PTPRT: variants seen among roughly 807,000 people sequenced by gnomAD.
PTPRT encodes the protein protein tyrosine phosphatase receptor type T.
Under a neutral mutation model 176.8 loss-of-function variants are expected in PTPRT, and 56 were observed. The ratio of observed to expected loss-of-function variants is 0.32; its 90% CI spans 0.26 to 0.40. The LOEUF (loss-of-function observed/expected upper bound fraction) is 0.40, where lower values mean the gene tolerates loss of function less well. Among genes scored for constraint, PTPRT ranks in the 10% least tolerant of loss-of-function variants. The pLI is 1.00. For synonymous variants in PTPRT, 783 were observed against 739.0 expected, an observed-to-expected ratio of 1.06 and a Z score of -0.96; for missense variants, 1,540 against 1,908.2, an observed-to-expected ratio of 0.81 and a Z score of 3.60.
intron 17 of PTPRT, among the ~76,000 whole-genome samples, chr20:42,157,033 CTT>C (rs986851502): frequency 5.9e-5 from 9 of 152,298 alleles, no homozygotes; most frequent in African/African-American, 2.2e-4. Flanking sequence ...TCAGGTCCCT[CTT>C]TATTTCTCCA....
At chr20:42,611,717 C>T (rs1467095413) in intron 7 of PTPRT, among the ~76,000 whole-genome samples, 1 of 152,146 alleles carries the variant, frequency 6.6e-6, no homozygotes, top group African/African-American at 2.4e-5. Flanking sequence ...GAGATGGAAC[C>T]ATCCCCTCCT....
intron 9 of PTPRT, among the ~76,000 whole-genome samples, chr20:42,418,092 T>A (rs538725052): frequency 7.2e-5 from 11 of 152,144 alleles, no homozygotes; most frequent in Non-Finnish European, 1.2e-4. Context: ...AAGTGAGCAA[T>A]TGAAGTATGA....
At position 42,294,946 on chromosome 20, in the gene PTPRT, G is replaced by A. The variant is rs563821314; in HGVS notation, c.2140-12421C>T. 1.1e-4 allele frequency among the ~76,000 whole-genome samples: 17 copies of A among 152,076 alleles called. No individual in the cohort carries two copies. The South Asian group carries it at 3.1e-3, about 28-fold the overall frequency. On this transcript the variant is annotated intron_variant, in intron 12 of 30. Coordinates refer to ENST00000373187, the MANE Select transcript of PTPRT (RefSeq NM_007050.6). ...ACAAAGACAACAGAAATGAGATATA[G>A]AAAAAATTAACAAGGATTGGTGAAA...
chr20:42,695,524 C>T (rs555867423), intron 6 of PTPRT, among the ~76,000 whole-genome samples: 9 of 151,834 alleles, frequency 5.9e-5, no homozygotes, highest in African/African-American at 1.5e-4. Flanking sequence ...ATTATGTTTT[C>T]GGTCAGGATG....
Position 42,448,342 on chromosome 20 carries a change from A to G in PTPRT, c.1451-13T>C, listed in dbSNP as rs778409125. 3 of 1,585,106 alleles carry G rather than the reference A, an allele frequency of 1.9e-6. No individual in the cohort carries two copies. The East Asian group carries it at 6.7e-5, about 35-fold the overall frequency. On this transcript the variant is annotated splice_polypyrimidine_tract_variant and intron_variant, in intron 8 of 30. Transcript: ENST00000373187. ...ACAGCTCCTGGAACTACAGAATGGA[A>G]AAGTTATGAACTTGATGTCACCTTC...
At chr20:42,164,698 A>G (rs1022071026) in intron 16 of PTPRT, among the ~76,000 whole-genome samples, 2 of 152,224 alleles carry the variant, frequency 1.3e-5, no homozygotes, top group African/African-American at 4.8e-5. Flanking sequence ...GGAACCTACA[A>G]GTAATGCTAC....
At chr20:43,025,045 A>T (rs1985855952) in intron 1 of PTPRT, among the ~76,000 whole-genome samples, 1 of 152,190 alleles carries the variant, frequency 6.6e-6, no homozygotes, top group Non-Finnish European at 1.5e-5. Context: ...TCCTTGACTG[A>T]CAGAAACACA....
At chr20:42,774,374 A>T (rs1287898590) in intron 4 of PTPRT, among the ~76,000 whole-genome samples, 2 of 152,176 alleles carry the variant, frequency 1.3e-5, no homozygotes, top group Non-Finnish European at 2.9e-5. Context: ...AGGGAACTGG[A>T]GAGAGACTCT....
At chr20:42,186,871 G>A (rs1045711778) in intron 16 of PTPRT, among the ~76,000 whole-genome samples, 8 of 152,080 alleles carry the variant, frequency 5.3e-5, no homozygotes, top group African/African-American at 1.9e-4. Context: ...TAGATATATC[G>A]AAGATGTAGA....
intron 1 of PTPRT, among the ~76,000 whole-genome samples, chr20:43,163,098 G>A (rs1236769265): frequency 2.0e-5 from 3 of 152,198 alleles, no homozygotes; most frequent in Admixed American, 1.3e-4. Flanking sequence ...TAGCTGCAAG[G>A]ATGCCCTGCT....
intron 7 of PTPRT, among the ~76,000 whole-genome samples, chr20:42,502,920 G>A (rs2071777302): frequency 1.3e-5 from 2 of 152,112 alleles, no homozygotes; most frequent in African/African-American, 4.8e-5. Context: ...ATTCTCATGA[G>A]GAGTATTTAA....
chr20:42,722,729 A>T (rs1158253428), intron 6 of PTPRT, among the ~76,000 whole-genome samples: 1 of 152,236 alleles, frequency 6.6e-6, no homozygotes, highest in Non-Finnish European at 1.5e-5. Context: ...CACTAGGCAC[A>T]TGCAGCTCAC....
chr20:42,505,376 A>C (rs111931864), intron 7 of PTPRT, among the ~76,000 whole-genome samples: 11 of 152,218 alleles, frequency 7.2e-5, no homozygotes, highest in African/African-American at 2.4e-4. Context: ...ATGTCAGCTT[A>C]CTGCAATCTC....
intron 7 of PTPRT, among the ~76,000 whole-genome samples, chr20:42,474,626 G>A (rs1213667493): frequency 1.3e-5 from 2 of 152,196 alleles, no homozygotes; most frequent in Non-Finnish European, 2.9e-5. Context: ...GCCTATTGTG[G>A]AATGGAAGGT....
At chr20:42,566,801 A>C (rs1472040954) in intron 7 of PTPRT, among the ~76,000 whole-genome samples, 1 of 152,236 alleles carries the variant, frequency 6.6e-6, no homozygotes, top group African/African-American at 2.4e-5. Flanking sequence ...TAGGAAAAAA[A>C]CACAACTGAT....
intron 9 of PTPRT, among the ~76,000 whole-genome samples, chr20:42,373,865 C>T (rs1245411263): frequency 1.3e-5 from 2 of 152,202 alleles, no homozygotes; most frequent in African/African-American, 4.8e-5. Flanking sequence ...ACCAGTAAGA[C>T]CTGCATCAGG....
intron 1 of PTPRT, among the ~76,000 whole-genome samples, chr20:42,967,940 C>T (rs1434483290): frequency 6.6e-6 from 1 of 152,120 alleles, no homozygotes; most frequent in African/African-American, 2.4e-5. Flanking sequence ...ATCGAGAATG[C>T]GCGGTCTGTG....
intron 7 of PTPRT, among the ~76,000 whole-genome samples, chr20:42,635,216 T>C (rs1338859545): frequency 6.7e-6 from 1 of 149,882 alleles, no homozygotes; most frequent in African/African-American, 2.6e-5. Flanking sequence ...CTTTGGAAAG[T>C]CACACTTAGA....
rs146913637 is a variant in PTPRT, at chr20:42,083,136, A to AAAG, written c.4137-1120_4137-1119insCTT. ...ACTAGTGCAAAAAAAAAAAAAAAAA[A>AAAG]GCAGGCTAAAAAACAAACATGAGAG... On this transcript the variant is annotated intron_variant, in intron 29 of 30. Transcript: ENST00000373187. 2.5e-4 allele frequency among the ~76,000 whole-genome samples: 33 copies of AAAG among 130,220 alleles called. 2 individuals carry two copies. Among genetic ancestry groups the AAAG allele is most frequent in the African/African-American group, 1.1e-3 (33 of 28,898 alleles). The allele number at this position is 130,220 out of a possible 152,430, so 85.4% of individuals were successfully genotyped here.
Sources: allele counts gnomAD v4.1 joint callset (sites outside exome capture counted in the v4.1 genomes callset), GRCh38; gene constraint gnomAD v4.1.1; transcripts MANE v1.5; gene names NCBI Gene and HGNC (gene_info 2026-07-23, HGNC 2026-07-21).